Variants in TSPOAP1 observed in about 807,000 individuals in gnomAD.
The protein encoded by TSPOAP1 is TSPO associated protein 1, also known as peripheral-type benzodiazepine receptor-associated protein 1.
A neutral mutation model predicts 197.0 loss-of-function variants in TSPOAP1; 87 were observed. That is an observed-to-expected ratio of 0.44 (90% confidence interval 0.37 to 0.53). The LOEUF is 0.53. TSPOAP1 is among the 20% of genes least tolerant of loss of function. TSPOAP1 has a pLI of 0.00. For synonymous variants in TSPOAP1, 913 were observed against 998.9 expected, an observed-to-expected ratio of 0.91 and a Z score of 1.62; for missense variants, 2,174 against 2,411.3, an observed-to-expected ratio of 0.90 and a Z score of 2.06.
Position 58,326,529 on chromosome 17 carries a change from G to A in TSPOAP1, c.442-108C>T, listed in dbSNP as rs1452666132. Reference sequence around the variant, plus strand: ...CCCTAGGCTCACAGTGGGGTCCTTGGCAACTCTAGGCAGGGGTTCACCCTC... The same window carrying A: ...CCCTAGGCTCACAGTGGGGTCCTTGACAACTCTAGGCAGGGGTTCACCCTC... On this transcript the variant is annotated intron_variant, in intron 2 of 31. Transcript: ENST00000343736. This position sits in a 1 kb window ranked among gnomAD's most constrained non-coding sequence, Gnocchi z 4.7. The A allele has an allele frequency of 3.2e-5, 50 of 1,550,916 alleles. No homozygotes were observed. Among genetic ancestry groups the A allele is most frequent in the Non-Finnish European group, 4.0e-5 (46 of 1,144,442 alleles).
chr17:58,318,586 A>T (rs1289880702), intron 13 of TSPOAP1, 134 bp from the exon 14 acceptor site: 1 of 863,524 alleles, frequency 1.2e-6, no homozygotes, highest in Non-Finnish European at 1.7e-6. Context: ...ATATTTAGAG[A>T]GAAACTTACT....
chr17:58,304,296 G>C lies in TSPOAP1; in HGVS notation c.*32+42C>G, dbSNP rs373597087. On this transcript the variant is annotated intron_variant, in intron 31 of 31. Coordinates refer to ENST00000343736, the MANE Select transcript of TSPOAP1 (RefSeq NM_004758.4). This position sits in a 1 kb window ranked among gnomAD's most constrained non-coding sequence, Gnocchi z 4.2. ...AGGAGCACTGTCTGATTATGGTCAA[G>C]TGGGGGTGGACGGTCACACAGGGGG... is the stretch of plus-strand genomic sequence containing the variant. 47 of 1,541,596 alleles carry C rather than the reference G, an allele frequency of 3.0e-5. No individual in the cohort carries two copies. The African/African-American group carries it at 6.4e-4, about 21-fold the overall frequency.
chr17:58,305,564 C>A lies in TSPOAP1; in HGVS notation c.5337G>T (p.Glu1779Asp). 1 of 1,592,224 alleles carries A rather than the reference C, an allele frequency of 6.3e-7. No individual in the cohort carries two copies. The highest frequency in any genetic ancestry group is 8.5e-7 in the Non-Finnish European group (1 of 1,169,622). The change falls in exon 28 of 32, where the codon GAG (glutamate) becomes GAT (aspartate). Residue 1779 changes from glutamate (E) to aspartate (D), a missense_variant. Coordinates refer to ENST00000343736, the MANE Select transcript of TSPOAP1 (RefSeq NM_004758.4). ...MVAAFDYNPQESSPNMDVEAE... is the reference protein window; with the variant it reads ...MVAAFDYNPQDSSPNMDVEAE... ...CCTCCACGTCCATATTGGGGGAACT[C>A]TCCTGGGGGTTGTAGTCAAATGCAG...
intron 11 of TSPOAP1, 75 bp from the exon 12 acceptor site, chr17:58,320,204 G>A: frequency 6.4e-7 from 1 of 1,564,464 alleles, no homozygotes; most frequent in Non-Finnish European, 8.8e-7. Flanking sequence ...GAGGGAGGCG[G>A]AGAAGGGGGC....
In TSPOAP1 at chr17:58,327,711, C is replaced by T. The variant is rs1422616459; in HGVS notation, c.210G>A (p.Arg70=). ...CTTCAGGGTCAGTTCCCCCCACGGG[C>T]CTGGAGCTCCCGTCTCCTTTGGGCT... The part of the protein sequence containing the change: ...SSKPKGDGSS[R]PVGGTDPEGA... The change falls in exon 1 of 32, where the codon AGG becomes AGA. Residue 70 remains arginine (R), a synonymous_variant. Transcript: ENST00000343736. 2 of 1,614,050 alleles carry T rather than the reference C, an allele frequency of 1.2e-6. No homozygotes were observed. The highest frequency in any genetic ancestry group is 1.7e-6 in the Non-Finnish European group (2 of 1,180,058).
At chr17:58,315,889 G>GGGGA (rs1567845107) in intron 16 of TSPOAP1, 134 bp downstream of exon 16, 1 of 651,816 alleles carries the variant, frequency 1.5e-6, no homozygotes. Context: ...GCTGGGCAGA[G>GGGGA]GGGATGGATG....
intron 14 of TSPOAP1, among the ~76,000 whole-genome samples, chr17:58,317,153 G>A (rs981391889): frequency 2.0e-5 from 3 of 152,120 alleles, no homozygotes; most frequent in Non-Finnish European, 2.9e-5. Flanking sequence ...CTGAGATTGC[G>A]CCACTGCACT....
At chr17:58,327,515 C>T in intron 1 of TSPOAP1, 73 bp downstream of exon 1, 1 of 1,514,918 alleles carries the variant, frequency 6.6e-7, no homozygotes, top group Non-Finnish European at 9.0e-7. Context: ...CCTCGCCTCA[C>T]CTCCTGGCCA....
Position 58,304,395 on chromosome 17 carries a change from G to C in TSPOAP1, c.5549C>G (p.Thr1850Arg). Residue 1850 changes from threonine to arginine, a missense_variant, in exon 31 of 32, where the codon ACG (threonine) becomes AGG (arginine). Coordinates refer to ENST00000343736, the MANE Select transcript of TSPOAP1 (RefSeq NM_004758.4). This position sits in a 1 kb window ranked among gnomAD's most constrained non-coding sequence, Gnocchi z 4.2. ...CTAGCACTGGACTCTTCTCCTCCTC[G>C]TTCTCTGAGGACAGGGAACAAAGAG... ...PRTPQAESQR[T>R]RRRRVQC 4 of 1,613,248 alleles carry C rather than the reference G, an allele frequency of 2.5e-6. No homozygotes were observed. The highest frequency in any genetic ancestry group is 3.4e-6 in the Non-Finnish European group (4 of 1,179,278).
Position 58,312,097 on chromosome 17 carries a change from G to A in TSPOAP1, c.2724C>T (p.Asn908=), listed in dbSNP as rs149532832. Residue 908 remains asparagine (N), a synonymous_variant, in exon 17 of 32, where the codon AAC becomes AAT. Transcript: ENST00000343736. ...CATTGAGGTAGATGGCATGGGCCAA[G>A]TTGCTATTGCCGGGCACCCAGGTGA... The part of the protein sequence containing the change: ...AEITWVPGNS[N]LAHAIYLNGE... The A allele has an allele frequency of 1.2e-6, 2 of 1,613,392 alleles. No individual in the cohort carries two copies. The highest frequency in any genetic ancestry group is 1.7e-6 in the Non-Finnish European group (2 of 1,179,994).
chr17:58,311,901 G>A lies in TSPOAP1; in HGVS notation c.2920C>T (p.Leu974Phe). 1 of 1,547,970 alleles carries A rather than the reference G, an allele frequency of 6.5e-7. No homozygotes were observed. Among genetic ancestry groups the A allele is most frequent in the Non-Finnish European group, 8.7e-7 (1 of 1,147,088 alleles). The change falls in exon 17 of 32, where the codon CTC (leucine) becomes TTC (phenylalanine). Residue 974 changes from leucine to phenylalanine, a missense_variant. By Grantham distance (22) the Leu-to-Phe change is conservative (BLOSUM62 0). Transcript: ENST00000343736. ...QRAATLQFTT[L>F]PAGPPDAPLD... ...GCCCAAGCCCACATACCTGCTGGGA[G>A]TGTGGTGAACTGCAGGGTGGCAGCC...
At position 58,318,444 on chromosome 17, in the gene TSPOAP1, G is replaced by A. The variant is rs1971304970; in HGVS notation, c.1708C>T (p.Leu570Phe). The stretch of plus-strand genomic sequence containing the variant: ...CAGCGCCCAGGGGAGCCCGGCGGGA[G>A]GTCAAGGTCTAAAGAGAAGATGGCA... Reference protein sequence around the residue: ...CRGSGPKDLDLPPGSPGRCTP... With the variant: ...CRGSGPKDLDFPPGSPGRCTP... The change falls in exon 14 of 32, where the codon CTC (leucine) becomes TTC (phenylalanine). Residue 570 changes from leucine to phenylalanine, a missense_variant. Around this residue, in one of 5 missense-constraint regions of TSPOAP1, gnomAD observed 1,933 missense variants for 2,139.0 expected, o/e 0.90. Coordinates refer to ENST00000343736, the MANE Select transcript of TSPOAP1 (RefSeq NM_004758.4). The A allele has an allele frequency of 3.1e-6, 5 of 1,612,554 alleles. No homozygotes were observed. Among genetic ancestry groups the A allele is most frequent in the Non-Finnish European group, 4.2e-6 (5 of 1,179,572 alleles).
chr17:58,317,528 C>T (rs935432587), intron 14 of TSPOAP1, among the ~76,000 whole-genome samples: 7 of 152,210 alleles, frequency 4.6e-5, no homozygotes, highest in Non-Finnish European at 1.0e-4. Flanking sequence ...AACCTCTCCA[C>T]AACCACATCC....
Position 58,307,731 on chromosome 17 carries a change from A to C in TSPOAP1, c.4863T>G (p.Ala1621=), listed in dbSNP as rs746332086. 6.2e-7 allele frequency: 1 copy of C among 1,614,054 alleles called. No individual in the cohort carries two copies. The highest frequency in any genetic ancestry group is 8.5e-7 in the Non-Finnish European group (1 of 1,180,046). The change falls in exon 24 of 32, where the codon GCT becomes GCG. Residue 1621 remains alanine (A), a synonymous_variant. Transcript: ENST00000343736. The part of the protein sequence containing the change: ...VPARSPSETL[A]YQHLPVRIFV... ...AGATCCTGACGGGTAGGTGCTGGTA[A>C]GCCAGTGTTTCTGAGGGGCTCCTCG...
rs971966669 is a variant in TSPOAP1, at chr17:58,304,238, G to A, written c.*32+100C>T. The A allele has an allele frequency of 5.7e-6, 6 of 1,058,634 alleles. No homozygotes were observed. In the African/African-American group the frequency reaches 9.4e-5, roughly 17 times the overall value. 65.6% of individuals were successfully genotyped at this position (1,058,634 alleles called of 1,614,324 possible). On this transcript the variant is annotated intron_variant, in intron 31 of 31. Transcript: ENST00000343736. The surrounding 1 kb of genome is among the most constrained non-coding windows in gnomAD (Gnocchi z 4.2). Reference sequence around the variant, plus strand: ...CTTCGCCATTCCCTGGACTACAGTGGGAAAGCTGGGTCAGCTCCAGTATTT... The same window carrying A: ...CTTCGCCATTCCCTGGACTACAGTGAGAAAGCTGGGTCAGCTCCAGTATTT...
rs1051674095 is a variant in TSPOAP1 at position 58,326,166 on chromosome 17, A to G, written c.570+127T>C. ...CTGCCCTTCCTGCACCTTAGCCCCT[A>G]GATTCTTGCTTTCCTAGGTGCTGAG... On this transcript the variant is annotated intron_variant, in intron 3 of 31. Coordinates refer to ENST00000343736, the MANE Select transcript of TSPOAP1 (RefSeq NM_004758.4). This position sits in a 1 kb window ranked among gnomAD's most constrained non-coding sequence, Gnocchi z 4.7. 6.9e-6 allele frequency: 10 copies of G among 1,447,652 alleles called. No individual in the cohort carries two copies. Among genetic ancestry groups the G allele is most frequent in the Non-Finnish European group, 9.3e-6 (10 of 1,081,036 alleles). The allele number at this position is 1,447,652 out of a possible 1,614,324, so 89.7% of individuals were successfully genotyped here. A position where few individuals can be genotyped will look rare whatever the true frequency, so the allele number is the denominator to read the frequency against.
Position 58,302,228 on chromosome 17 carries a change from C to A in TSPOAP1, c.*252G>T. Reference sequence around the variant, plus strand: ...CTCAGCAGAGACAGTGATCTGGGGGCCTCTCAGGGCCTCTTCTGCCTGCAG... The same window carrying A: ...CTCAGCAGAGACAGTGATCTGGGGGACTCTCAGGGCCTCTTCTGCCTGCAG... On this transcript the variant is annotated 3_prime_UTR_variant, in exon 32 of 32. Transcript: ENST00000343736. The A allele has an allele frequency of 7.8e-7, 1 of 1,286,340 alleles. No homozygotes were observed. The highest frequency in any genetic ancestry group is 1.0e-6 in the Non-Finnish European group (1 of 987,020). 79.7% of individuals were successfully genotyped at this position (1,286,340 alleles called of 1,614,324 possible).
intron 25 of TSPOAP1, 113 bp downstream of exon 25, chr17:58,306,687 C>T: frequency 7.5e-7 from 1 of 1,339,664 alleles, no homozygotes; most frequent in Non-Finnish European, 1.0e-6. Flanking sequence ...GGCTCCAAGG[C>T]TCTGCTAGAG....
intron 11 of TSPOAP1, 21 bp downstream of exon 11, chr17:58,320,510 G>A (rs1971373639): frequency 6.6e-7 from 1 of 1,510,796 alleles, no homozygotes; most frequent in East Asian, 2.4e-5. Flanking sequence ...TGGAACTGGG[G>A]GCCACTTCCA....
Sources: gnomAD v4.1 joint callset for allele counts (sites outside exome capture counted in the v4.1 genomes callset) on GRCh38, gnomAD v4.1.1 for gene constraint, gnomAD v4.1.1 regional missense constraint, Gnocchi (gnomAD v3.1) non-coding constraint, MANE v1.5 for transcripts, NCBI Gene and HGNC (gene_info 2026-07-23, HGNC 2026-07-21) for gene names.